The following SREBF1 variants were observed in gnomAD, a reference collection of about 807,000 sequenced individuals.
SREBF1 encodes sterol regulatory element binding transcription factor 1.
In SREBF1, 45 loss-of-function variants were observed where a neutral mutation model predicts 100.1. That is an observed-to-expected ratio of 0.45 (90% confidence interval 0.35 to 0.58). SREBF1 has a LOEUF of 0.58. SREBF1 is among the 20% of genes least tolerant of loss of function. The pLI is 0.00. For missense variants in SREBF1, 1,324 were observed against 1,539.4 expected (o/e 0.86, Z 2.34); for synonymous variants, 657 against 681.8 (o/e 0.96, Z 0.57).
At chr17:17,827,904 G>A (rs888086445) in intron 1 of SREBF1, among the ~76,000 whole-genome samples, 7 of 152,146 alleles carry the variant, frequency 4.6e-5, no homozygotes, top group South Asian at 2.1e-4. Flanking sequence ...AGGACAACAC[G>A]AAGCTCTTTA....
intron 12 of SREBF1, 75 bp from the exon 13 acceptor site, chr17:17,815,404 G>A: frequency 7.8e-7 from 1 of 1,275,898 alleles, no homozygotes; most frequent in Non-Finnish European, 1.1e-6. Context: ...CTTTTTCCTG[G>A]GTGGGCTGGG....
rs537972361 is a variant in SREBF1, at chr17:17,824,866, C to T, written c.92-4345G>A. Among the ~76,000 whole-genome samples the T allele has an allele frequency of 1.7e-3, 258 of 152,284 alleles. No individual in the cohort carries two copies. The highest frequency in any genetic ancestry group is 3.1e-3 in the Non-Finnish European group (211 of 68,014). The stretch of plus-strand genomic sequence containing the variant: ...CCATGTCTCTCTCGCAACCTGTCCT[C>T]GCCACCGCCGTCCAGCCCAGGCCCT... On this transcript the variant is annotated intron_variant, in intron 1 of 18. Transcript: ENST00000261646. This position sits in a 1 kb window ranked among gnomAD's most constrained non-coding sequence, Gnocchi z 4.2.
chr17:17,812,593 C>T lies in SREBF1; in HGVS notation c.*29G>A. The T allele has an allele frequency of 1.9e-6, 3 of 1,571,268 alleles. No homozygotes were observed. Among genetic ancestry groups the T allele is most frequent in the Non-Finnish European group, 2.6e-6 (3 of 1,156,286 alleles). ...TGCACGGGACCAAAGTGGCTAGAGA[C>T]AGGGGTGCTGAGGCCGGGGACACGG... is the stretch of plus-strand genomic sequence containing the variant. On this transcript the variant is annotated 3_prime_UTR_variant, in exon 19 of 19. Coordinates refer to ENST00000261646, the MANE Select transcript of SREBF1 (RefSeq NM_004176.5).
chr17:17,813,893 A>C, intron 16 of SREBF1, 124 bp from the exon 17 acceptor site: 1 of 1,021,284 alleles, frequency 9.8e-7, no homozygotes, highest in East Asian at 2.6e-5. Context: ...CGCCTCACAC[A>C]CGTGCAATGC....
At chr17:17,818,554 G>A (rs1048218415) in intron 5 of SREBF1, 180 bp from the exon 6 acceptor site, 20 of 636,066 alleles carry the variant, frequency 3.1e-5, no homozygotes, top group African/African-American at 1.8e-4. Flanking sequence ...CTCCCAGGCC[G>A]GGCATAGGGT....
intron 1 of SREBF1, among the ~76,000 whole-genome samples, chr17:17,828,513 T>G (rs1225288528): frequency 2.0e-5 from 3 of 152,156 alleles, no homozygotes; most frequent in African/African-American, 4.8e-5. Flanking sequence ...GTCCGAGAGG[T>G]GGCCCAGGGC....
chr17:17,833,931 A>T (rs771973511), intron 1 of SREBF1, among the ~76,000 whole-genome samples: 5 of 152,172 alleles, frequency 3.3e-5, no homozygotes, highest in Middle Eastern at 3.4e-3. Flanking sequence ...AGATCATGCC[A>T]CTGGACTACA....
chr17:17,815,076 G>A, intron 13 of SREBF1, 132 bp from the exon 14 acceptor site: 2 of 1,217,170 alleles, frequency 1.6e-6, no homozygotes, highest in South Asian at 2.5e-5. Flanking sequence ...CAGGCTGGTG[G>A]GGAGAGGAAA....
In SREBF1 at chr17:17,817,039, A is replaced by C; in HGVS notation, c.1704T>G (p.Gly568=). The C allele has an allele frequency of 3.7e-6, 6 of 1,613,120 alleles. No homozygotes were observed. Among genetic ancestry groups the C allele is most frequent in the Non-Finnish European group, 5.1e-6 (6 of 1,180,026 alleles). Residue 568 remains glycine (G), a synonymous_variant, in exon 9 of 19, where the codon GGT becomes GGG. Coordinates refer to ENST00000261646, the MANE Select transcript of SREBF1 (RefSeq NM_004176.5). This position sits in a 1 kb window ranked among gnomAD's most constrained non-coding sequence, Gnocchi z 6.6. The stretch of plus-strand genomic sequence containing the variant: ...CTGAGTGGGGCCGTGTGACTGGCTC[A>C]CCGTAGACAAAGAGAAGCACCAAGG... ...LVSLVLLFVY[G]EPVTRPHSGP...
In SREBF1 at chr17:17,816,339, G is replaced by T. The variant is rs1399349092; in HGVS notation, c.2082C>A (p.Asn694Lys). 1.3e-6 allele frequency: 2 copies of T among 1,585,134 alleles called. No individual in the cohort carries two copies. The highest frequency in any genetic ancestry group is 1.7e-4 in the Middle Eastern group (1 of 6,032). Reference sequence around the variant, plus strand: ...CCAGGTTCAGGGCACTCAGCGCCAGGTTGGTGGCAGTGAGGTGCCCGCCTG... The same window carrying T: ...CCAGGTTCAGGGCACTCAGCGCCAGTTTGGTGGCAGTGAGGTGCCCGCCTG... ...KHTGGHLTAT[N>K]LALSALNLAE... The change falls in exon 11 of 19, where the codon AAC becomes AAA. Residue 694 changes from asparagine to lysine, a missense_variant. Asn to Lys is a moderately conservative substitution (Grantham distance 94, BLOSUM62 0). Coordinates refer to ENST00000261646, the MANE Select transcript of SREBF1 (RefSeq NM_004176.5).
chr17:17,819,374 C>G lies in SREBF1; in HGVS notation c.792G>C (p.Ala264=), dbSNP rs544489659. 22 of 1,613,830 alleles carry G rather than the reference C, an allele frequency of 1.4e-5. No homozygotes were observed. The East Asian group carries it at 4.5e-4, about 33-fold the overall frequency. Residue 264 remains alanine (A), a synonymous_variant, in exon 4 of 19, where the codon GCG becomes GCC. Transcript: ENST00000261646. The part of the protein sequence containing the change: ...AMKTDGATVK[A]AGLSPLVSGT... ...CAGAGACCAGGGGACTGAGACCTGC[C>G]GCCTTCACAGTGGCTCCGTCTGTCT...
intron 18 of SREBF1, 149 bp downstream of exon 18, chr17:17,813,219 T>C (rs2033127937): frequency 3.6e-6 from 3 of 822,520 alleles, no homozygotes; most frequent in Non-Finnish European, 6.0e-6. Flanking sequence ...TCCTCCCAAC[T>C]GAGCCTCCCA....
chr17:17,836,543 G>A (rs995739658), intron 1 of SREBF1, among the ~76,000 whole-genome samples, 184 bp downstream of exon 1: 2 of 152,188 alleles, frequency 1.3e-5, no homozygotes, highest in Admixed American at 6.5e-5. Context: ...GGCCCGAGAC[G>A]CTAGCGCGGG....
Position 17,817,266 on chromosome 17 carries a change from G to A in SREBF1, c.1596C>T (p.Thr532=), listed in dbSNP as rs761885261. 25 of 1,608,250 alleles carry A rather than the reference G, an allele frequency of 1.6e-5. No individual in the cohort carries two copies. Among genetic ancestry groups the A allele is most frequent in the South Asian group, 1.0e-4 (9 of 90,342 alleles). ...GCTGGCCGGTCCCACCTCTGCTCTC[G>A]GTGCCCAGCACGTTGCGCCCAGGGC... The part of the protein sequence containing the change: ...YHSPGRNVLG[T]ESRDGPGWAQ... Residue 532 remains threonine, a synonymous_variant, in exon 8 of 19, where the codon ACC becomes ACT. Transcript: ENST00000261646. The surrounding 1 kb of genome is among the most constrained non-coding windows in gnomAD (Gnocchi z 6.6).
At chr17:17,825,222 C>T (rs1231062764) in intron 1 of SREBF1, among the ~76,000 whole-genome samples, 1 of 152,246 alleles carries the variant, frequency 6.6e-6, no homozygotes, top group Non-Finnish European at 1.5e-5. Flanking sequence ...ACAGTCAAGC[C>T]TGTCCCCTCC....
Position 17,819,576 on chromosome 17 carries a change from C to T in SREBF1, c.673G>A (p.Val225Ile), listed in dbSNP as rs767155649. 1.2e-6 allele frequency: 2 copies of T among 1,613,866 alleles called. No homozygotes were observed. The highest frequency in any genetic ancestry group is 1.7e-6 in the Non-Finnish European group (2 of 1,179,978). The part of the protein sequence containing the change: ...TVTAAPTAAP[V>I]TTTVTSQIQQ... The stretch of plus-strand genomic sequence containing the variant: ...ATCTGCGAGGTCACAGTGGTCGTTA[C>T]AGGGGCTGCCGTGGGGGCAGCTGTG... The change falls in exon 3 of 19, where the codon GTA (valine) becomes ATA (isoleucine). Residue 225 changes from valine to isoleucine, a missense_variant. By Grantham distance (29) the Val-to-Ile change is conservative. Transcript: ENST00000261646.
intron 1 of SREBF1, among the ~76,000 whole-genome samples, chr17:17,821,777 C>A (rs2034120712): frequency 6.6e-6 from 1 of 152,124 alleles, no homozygotes; most frequent in Non-Finnish European, 1.5e-5. Flanking sequence ...CCAAGAGGAC[C>A]CCAGATCAGA....
intron 1 of SREBF1, among the ~76,000 whole-genome samples, chr17:17,834,240 T>C (rs1026752797): frequency 1.3e-5 from 2 of 152,106 alleles, no homozygotes; most frequent in Non-Finnish European, 2.9e-5. Context: ...TACAGGCACA[T>C]GTCACCCACA....
At chr17:17,821,730 C>T (rs62064117) in intron 1 of SREBF1, among the ~76,000 whole-genome samples, 155 of 152,252 alleles carry the variant, frequency 1.0e-3, no homozygotes, top group Admixed American at 2.8e-3. Flanking sequence ...TAGGGCAGCG[C>T]AGGATCCCCA....
Sources: gnomAD v4.1 joint callset for allele counts (sites outside exome capture counted in the v4.1 genomes callset) on GRCh38, gnomAD v4.1.1 for gene constraint, Gnocchi (gnomAD v3.1) non-coding constraint, MANE v1.5 for transcripts, NCBI Gene and HGNC (gene_info 2026-07-23, HGNC 2026-07-21) for gene names.